SKIC3: variants seen among roughly 807,000 people sequenced by gnomAD.
The protein encoded by SKIC3 is SKI3 subunit of superkiller complex, also known as superkiller complex protein 3.
At chr5:95,519,860 T>C in the SKIC3 span, among the ~76,000 whole-genome samples, 22 of 152,030 alleles carry the variant, frequency 1.4e-4, no homozygotes, top group Non-Finnish European at 2.6e-4. Flanking sequence ...TAAATAGCAG[T>C]TCAAATAAAG....
At chr5:95,517,281 A>AGGAT in the SKIC3 span, 1 of 1,613,350 alleles carries the variant, frequency 6.2e-7, no homozygotes, top group Non-Finnish European at 8.5e-7. Context: ...ATCCCCAGCT[A>AGGAT]GCTTCCAGAG....
At chr5:95,500,588 C>A in the SKIC3 span, among the ~76,000 whole-genome samples, 1 of 152,116 alleles carries the variant, frequency 6.6e-6, no homozygotes, top group Non-Finnish European at 1.5e-5. Flanking sequence ...ATTATCCAAA[C>A]GGCATAACCA....
the SKIC3 span, chr5:95,464,789 C>T: frequency 2.5e-6 from 2 of 809,598 alleles, no homozygotes; most frequent in African/African-American, 1.7e-5. Context: ...GAAAAGGCAA[C>T]ATCAAACTAT....
the SKIC3 span, among the ~76,000 whole-genome samples, chr5:95,469,066 C>T: frequency 3.3e-5 from 5 of 152,142 alleles, no homozygotes; most frequent in African/African-American, 1.2e-4. Flanking sequence ...GTACTAACCT[C>T]CATTTCTACC....
At chr5:95,500,252 G>C in the SKIC3 span, among the ~76,000 whole-genome samples, 2 of 152,306 alleles carry the variant, frequency 1.3e-5, no homozygotes, top group Admixed American at 1.3e-4. Context: ...GGAAATTCTA[G>C]AGTGTAGTAT....
the SKIC3 span, among the ~76,000 whole-genome samples, chr5:95,523,004 T>A: frequency 4.6e-5 from 7 of 152,302 alleles, no homozygotes; most frequent in Admixed American, 2.6e-4. Context: ...CTAATCTGGC[T>A]ATCTCCTCAA....
the SKIC3 span, among the ~76,000 whole-genome samples, chr5:95,472,472 C>T: frequency 2.0e-5 from 3 of 152,114 alleles, no homozygotes; most frequent in Non-Finnish European, 4.4e-5. Context: ...TCCAGGACCC[C>T]GGAGGACACA....
At chr5:95,536,122 A>G in the SKIC3 span, among the ~76,000 whole-genome samples, 2 of 152,196 alleles carry the variant, frequency 1.3e-5, no homozygotes, top group Non-Finnish European at 2.9e-5. Flanking sequence ...AGGTTACCCA[A>G]CTCCCAGCAA....
chr5:95,529,542 G>T, the SKIC3 span, among the ~76,000 whole-genome samples: 10 of 152,212 alleles, frequency 6.6e-5, no homozygotes, highest in Non-Finnish European at 1.5e-5. Context: ...AAACCCTGGT[G>T]AACTACCTGC....
the SKIC3 span, chr5:95,547,158 A>C: frequency 6.2e-7 from 1 of 1,612,172 alleles, no homozygotes; most frequent in African/African-American, 1.3e-5. Flanking sequence ...CATTCTGTCA[A>C]GGCAGAAAGC....
chr5:95,527,906 T>C, the SKIC3 span: 1 of 1,256,646 alleles, frequency 8.0e-7, no homozygotes. Context: ...AATTCATACC[T>C]CTAACACAAA....
At chr5:95,466,670 G>C in the SKIC3 span, among the ~76,000 whole-genome samples, 1 of 152,176 alleles carries the variant, frequency 6.6e-6, no homozygotes, top group Non-Finnish European at 1.5e-5. Flanking sequence ...TTCATGCATG[G>C]ACATTCTCTC....
chr5:95,551,716 T>C, the SKIC3 span, among the ~76,000 whole-genome samples: 4 of 152,290 alleles, frequency 2.6e-5, no homozygotes, highest in East Asian at 7.7e-4. Flanking sequence ...CACCAAGGCT[T>C]ACCCTAGTTG....
the SKIC3 span, among the ~76,000 whole-genome samples, chr5:95,507,420 C>T: frequency 3.9e-5 from 6 of 152,110 alleles, no homozygotes; most frequent in South Asian, 4.1e-4. Flanking sequence ...CTTGCTTGTA[C>T]ATACAGAAAA....
the SKIC3 span, chr5:95,509,748 CGTTTT>C: frequency 1.7e-6 from 2 of 1,145,880 alleles, no homozygotes; most frequent in Non-Finnish European, 2.6e-6. Context: ...ACAAAATATT[CGTTTT>C]ATTTTTTCAG....
the SKIC3 span, chr5:95,484,960 A>C: frequency 2.6e-6 from 3 of 1,143,920 alleles, no homozygotes; most frequent in South Asian, 3.8e-5. Flanking sequence ...ACAGTTTTTC[A>C]AAGTTACATG....
chr5:95,546,344 A>C, the SKIC3 span, among the ~76,000 whole-genome samples: 1 of 137,102 alleles, frequency 7.3e-6, no homozygotes, highest in African/African-American at 3.1e-5. Flanking sequence ...CATGAGAAAA[A>C]AAAAAAACAA....
chr5:95,494,618 A>C, the SKIC3 span: 1 of 1,512,828 alleles, frequency 6.6e-7, no homozygotes, highest in Non-Finnish European at 9.1e-7. Context: ...TTTTTCCCCC[A>C]CTTACAAAAT....
the SKIC3 span, chr5:95,543,121 T>C: frequency 6.3e-7 from 1 of 1,589,564 alleles, no homozygotes. Context: ...TTGAAACCTG[T>C]ATTTTGAAAA....
Sources: gnomAD v4.1 joint callset for allele counts (sites outside exome capture counted in the v4.1 genomes callset) on GRCh38, gnomAD v4.1.1 for gene constraint, MANE v1.5 for transcripts, NCBI Gene and HGNC (gene_info 2026-07-23, HGNC 2026-07-21) for gene names.